The following DCAF10 variants were observed in gnomAD, a reference collection of about 807,000 sequenced individuals.
The protein encoded by DCAF10 is DDB1- and CUL4-associated factor 10.
A neutral mutation model predicts 51.9 loss-of-function variants in DCAF10; 19 were observed. The ratio of observed to expected loss-of-function variants is 0.37; its 90% CI spans 0.26 to 0.54. The LOEUF is 0.54. Ranked by LOEUF, DCAF10 falls within the 20% of genes least tolerant of loss-of-function variation. The pLI, the probability that DCAF10 is intolerant of heterozygous loss-of-function variation, is 0.87. For missense variants in DCAF10, 510 were observed against 730.6 expected, an observed-to-expected ratio of 0.70 and a Z score of 3.48; for synonymous variants, 291 against 297.1, an observed-to-expected ratio of 0.98 and a Z score of 0.21.
intron 2 of DCAF10, among the ~76,000 whole-genome samples, chr9:37,841,176 C>G (rs2762452): frequency 0.36 from 54,596 of 151,944 alleles, 10,145 homozygotes; most frequent in Middle Eastern, 0.42. Context: ...GGTTGTTTCA[C>G]CTAGCAGAAA....
chr9:37,801,319 C>CT lies in DCAF10; in HGVS notation c.454dup (p.Tyr152LeufsTer37). 1 of 1,593,550 alleles carries CT rather than the reference C, an allele frequency of 6.3e-7. No homozygotes were observed. Among genetic ancestry groups the CT allele is most frequent in the Non-Finnish European group, 8.5e-7 (1 of 1,172,882 alleles). On this transcript the variant is annotated frameshift_variant, in exon 1 of 7. Transcript: ENST00000377724. LOFTEE classifies it high-confidence loss of function. The surrounding 1 kb of genome is among the most constrained non-coding windows in gnomAD (Gnocchi z 5.5). ...ACAATTTTCGCACCATGACTAGCCT[C>CT]TACGGTTCCATCCACCCCGCGGACT...
intron 1 of DCAF10, among the ~76,000 whole-genome samples, chr9:37,808,919 C>G (rs902875382): frequency 6.8e-6 from 1 of 148,116 alleles, no homozygotes; most frequent in African/African-American, 2.5e-5. Flanking sequence ...TCAAGACCAG[C>G]CTGGGCAAGG....
intron 1 of DCAF10, among the ~76,000 whole-genome samples, chr9:37,816,659 G>GGGGGGGGGTGTGTGTGTGTGT (rs372664140): frequency 1.2e-4 from 17 of 144,978 alleles, no homozygotes; most frequent in East Asian, 8.1e-4. Context: ...CTGCACCTGG[G>GGGGGGGGGTGTGTGTGTGTGT]GTGTGTGTGT....
At chr9:37,857,480 T>A in intron 5 of DCAF10, 129 bp downstream of exon 5, 1 of 597,370 alleles carries the variant, frequency 1.7e-6, no homozygotes, top group Non-Finnish European at 2.7e-6. Flanking sequence ...TGAGGTGATT[T>A]ATCCCTCAGT....
At chr9:37,835,765 T>A (rs1235632001) in intron 2 of DCAF10, among the ~76,000 whole-genome samples, 1 of 152,078 alleles carries the variant, frequency 6.6e-6, no homozygotes, top group Non-Finnish European at 1.5e-5. Flanking sequence ...AAAAACATTA[T>A]CAGTAAAGGT....
chr9:37,847,024 C>T (rs149426101), intron 3 of DCAF10, among the ~76,000 whole-genome samples: 1,631 of 151,760 alleles, frequency 0.011, 25 homozygotes, highest in African/African-American at 0.037. Flanking sequence ...GAGGCCAAGG[C>T]GGGTGGATCA....
intron 2 of DCAF10, among the ~76,000 whole-genome samples, chr9:37,822,404 GATATATATATATATATAT>G (rs59549239): frequency 1.5e-4 from 19 of 124,618 alleles, no homozygotes; most frequent in Non-Finnish European, 2.4e-4. Context: ...AAGAAACTGT[GATATATATATATATATAT>G]ATATATATAT....
chr9:37,824,204 CT>C (rs1829787939), intron 2 of DCAF10, among the ~76,000 whole-genome samples: 1 of 152,112 alleles, frequency 6.6e-6, no homozygotes, highest in South Asian at 2.1e-4. Flanking sequence ...TTAATTCAGA[CT>C]GCCTGCCTAT....
In DCAF10 at chr9:37,864,598, A is replaced by AT. The variant is rs925958703; in HGVS notation, c.*3090_*3091insT. On this transcript the variant is annotated 3_prime_UTR_variant, in exon 7 of 7. Coordinates refer to ENST00000377724, the MANE Select transcript of DCAF10 (RefSeq NM_024345.5). ...GACTCTGCCTCAAAAAAAAAAAAAAAAATAAAATAAAATAAAATTAGTTTT... is the reference window on the plus strand; with the variant it reads ...GACTCTGCCTCAAAAAAAAAAAAAAATAATAAAATAAAATAAAATTAGTTTT... 6.0e-5 allele frequency: 9 copies of AT among 150,644 alleles called. No individual in the cohort carries two copies. The highest frequency in any genetic ancestry group is 2.2e-4 in the African/African-American group (9 of 41,152). The allele number at this position is 150,644 out of a possible 1,614,324, so 9.3% of individuals were successfully genotyped here.
intron 1 of DCAF10, among the ~76,000 whole-genome samples, chr9:37,812,621 A>G (rs996651367): frequency 2.0e-5 from 3 of 152,236 alleles, no homozygotes; most frequent in East Asian, 1.9e-4. Context: ...CGTGTAAATC[A>G]AAATGAATGT....
At position 37,826,968 on chromosome 9, in the gene DCAF10, G is replaced by C. The variant is rs1829871428; in HGVS notation, c.653+7567G>C. Among the ~76,000 whole-genome samples, 6 of 152,056 alleles carry C rather than the reference G, an allele frequency of 3.9e-5. No homozygotes were observed. In the South Asian group the frequency reaches 1.2e-3, roughly 32 times the overall value. On this transcript the variant is annotated intron_variant, in intron 2 of 6. Transcript: ENST00000377724. Reference sequence around the variant, plus strand: ...AGCCTCCCAAGTAGCTGGGATTACAGGCATGTGCCACCACGCCTGGCTAAT... The same window carrying C: ...AGCCTCCCAAGTAGCTGGGATTACACGCATGTGCCACCACGCCTGGCTAAT...
chr9:37,841,957 G>A (rs1252968694), intron 2 of DCAF10, 132 bp from the exon 3 acceptor site: 3 of 724,698 alleles, frequency 4.1e-6, no homozygotes, highest in Admixed American at 6.5e-5. Context: ...TCAGTCATTG[G>A]GTTTACATAG....
intron 2 of DCAF10, among the ~76,000 whole-genome samples, chr9:37,821,847 A>G (rs1829710885): frequency 6.6e-6 from 1 of 152,176 alleles, no homozygotes; most frequent in South Asian, 2.1e-4. Context: ...GTGGGAGAAA[A>G]TCTTCGCAAT....
At chr9:37,834,881 C>A (rs1830110139) in intron 2 of DCAF10, among the ~76,000 whole-genome samples, 1 of 152,068 alleles carries the variant, frequency 6.6e-6, no homozygotes, top group African/African-American at 2.4e-5. Flanking sequence ...CTCCGCCTCC[C>A]TGGCTCAAGA....
At chr9:37,845,135 A>C (rs1339775240) in intron 3 of DCAF10, among the ~76,000 whole-genome samples, 1 of 152,224 alleles carries the variant, frequency 6.6e-6, no homozygotes, top group South Asian at 2.1e-4. Flanking sequence ...TCAAAGAAGA[A>C]ATCATACTGA....
intron 1 of DCAF10, among the ~76,000 whole-genome samples, chr9:37,813,817 C>G (rs1184062884): frequency 1.3e-5 from 2 of 151,880 alleles, no homozygotes; most frequent in African/African-American, 4.8e-5. Context: ...AAGAAGAAAT[C>G]ACAGTATAAA....
chr9:37,828,422 C>A (rs906235922), intron 2 of DCAF10, among the ~76,000 whole-genome samples: 3 of 151,116 alleles, frequency 2.0e-5, no homozygotes, highest in Non-Finnish European at 4.4e-5. Flanking sequence ...ACAGCCTGAG[C>A]AAAATAGCAA....
At chr9:37,852,146 AG>A (rs1830671817) in intron 3 of DCAF10, among the ~76,000 whole-genome samples, 2 of 152,182 alleles carry the variant, frequency 1.3e-5, no homozygotes, top group African/African-American at 4.8e-5. Context: ...GATTCACCAG[AG>A]GGGGGAAAAA....
At position 37,801,038 on chromosome 9, in the gene DCAF10, G is replaced by A. The variant is rs1828912973; in HGVS notation, c.172G>A (p.Gly58Ser). The change falls in exon 1 of 7, where the codon GGC becomes AGC. Residue 58 changes from glycine to serine, a missense_variant. Transcript: ENST00000377724. The surrounding 1 kb of genome is among the most constrained non-coding windows in gnomAD (Gnocchi z 5.5). ...ACCCGCCCGAAGCCCTCGCCGCCCCGGCGCCCCATCGCTGTCCCCGGCCCC... is the reference window on the plus strand; with the variant it reads ...ACCCGCCCGAAGCCCTCGCCGCCCCAGCGCCCCATCGCTGTCCCCGGCCCC... ...PPPARSPRRP[G>S]APSLSPAPRS... 4 of 1,538,804 alleles carry A rather than the reference G, an allele frequency of 2.6e-6. No individual in the cohort carries two copies. Among genetic ancestry groups the A allele is most frequent in the Non-Finnish European group, 3.5e-6 (4 of 1,152,232 alleles).
Sources: gnomAD v4.1 joint callset for allele counts (sites outside exome capture counted in the v4.1 genomes callset) on GRCh38, gnomAD v4.1.1 for gene constraint, Gnocchi (gnomAD v3.1) non-coding constraint, MANE v1.5 for transcripts, NCBI Gene and HGNC (gene_info 2026-07-23, HGNC 2026-07-21) for gene names.